The following EZH2 variants were observed in gnomAD, a reference collection of about 807,000 sequenced individuals.
EZH2 encodes the protein histone-lysine N-methyltransferase EZH2.
Under a neutral mutation model 98.4 loss-of-function variants are expected in EZH2, and 18 were observed. The ratio of observed to expected loss-of-function variants is 0.18; its 90% CI spans 0.13 to 0.27. The LOEUF (loss-of-function observed/expected upper bound fraction) is 0.27. Ranked by LOEUF, EZH2 falls within the 10% of genes least tolerant of loss-of-function variation. The probability of loss-of-function intolerance (pLI) is 1.00; values close to 1 mark genes in which losing one functional copy is unlikely to be tolerated. For synonymous variants in EZH2, 338 were observed against 312.3 expected, an observed-to-expected ratio of 1.08 and a Z score of -0.87; for missense variants, 470 against 935.1, an observed-to-expected ratio of 0.50 and a Z score of 6.49.
chr7:148,878,728 G>A (rs140190835), intron 1 of EZH2, among the ~76,000 whole-genome samples: 2,119 of 151,382 alleles, frequency 0.014, 28 homozygotes, highest in Middle Eastern at 0.052. Flanking sequence ...GCAAAACCCT[G>A]TCTCTACAAA....
At chr7:148,857,673 C>T in intron 1 of EZH2, among the ~76,000 whole-genome samples, 1 of 152,068 alleles carries the variant, frequency 6.6e-6, no homozygotes. Context: ...ATTGCTTGAA[C>T]CCAGGAGGTG....
chr7:148,836,769 A>T, intron 3 of EZH2: 1 of 464,162 alleles, frequency 2.2e-6, no homozygotes, highest in South Asian at 1.6e-5. Flanking sequence ...ATTTTCAGAG[A>T]AACACAGCTT....
intron 11 of EZH2, 54 bp downstream of exon 11, chr7:148,817,168 G>C (rs957399571): frequency 1.3e-6 from 2 of 1,534,672 alleles, no homozygotes; most frequent in Non-Finnish European, 1.8e-6. Context: ...AACGAGTACA[G>C]TTTTATCTCT....
chr7:148,818,467 G>C (rs1805169561), intron 9 of EZH2, among the ~76,000 whole-genome samples: 1 of 152,112 alleles, frequency 6.6e-6, no homozygotes, highest in Non-Finnish European at 1.5e-5. Context: ...TTATCTCTAT[G>C]GACATACAGT....
At chr7:148,857,534 G>A (rs370064326) in intron 1 of EZH2, among the ~76,000 whole-genome samples, 86 of 152,134 alleles carry the variant, frequency 5.7e-4, no homozygotes, top group African/African-American at 2.0e-3. Context: ...GGCGGATCAC[G>A]TAAGTCAGGA....
At chr7:148,845,608 T>C (rs893222485) in intron 3 of EZH2, among the ~76,000 whole-genome samples, 1 of 152,230 alleles carries the variant, frequency 6.6e-6, no homozygotes, top group Non-Finnish European at 1.5e-5. Context: ...AGCAAATTGT[T>C]GCTTGTTACA....
At chr7:148,810,060 G>A in intron 17 of EZH2, 1 of 335,848 alleles carries the variant, frequency 3.0e-6, no homozygotes, top group Non-Finnish European at 5.7e-6. Flanking sequence ...TGAGCAGCAA[G>A]AGCACAACGT....
intron 18 of EZH2, 40 bp from the exon 19 acceptor site, chr7:148,809,195 G>A (rs931593684): frequency 6.3e-7 from 1 of 1,596,290 alleles, no homozygotes; most frequent in African/African-American, 1.3e-5. Flanking sequence ...CATGAAGACG[G>A]GCCACGGGGG....
chr7:148,817,868 G>A lies in EZH2; in HGVS notation c.1240+9C>T, dbSNP rs114320893. Reference sequence around the variant, plus strand: ...GAACAGTAAAACCCAGTTATTAGACGTGTCTTACCAGAGGAGCTCGAAGTT... The same window carrying A: ...GAACAGTAAAACCCAGTTATTAGACATGTCTTACCAGAGGAGCTCGAAGTT... On this transcript the variant is annotated intron_variant, in intron 10 of 19. Coordinates refer to ENST00000320356, the MANE Select transcript of EZH2 (RefSeq NM_004456.5). The A allele has an allele frequency of 1.4e-5, 22 of 1,613,998 alleles. No homozygotes were observed. Among genetic ancestry groups the A allele is most frequent in the Admixed American group, 1.0e-4 (6 of 59,996 alleles).
chr7:148,838,215 C>T (rs991452454), intron 3 of EZH2, among the ~76,000 whole-genome samples: 19 of 151,918 alleles, frequency 1.3e-4, no homozygotes, highest in South Asian at 4.2e-4. Context: ...ACTACAAGTA[C>T]GTGTCACCAC....
chr7:148,866,602 A>G (rs1001142850), intron 1 of EZH2, among the ~76,000 whole-genome samples: 1 of 147,106 alleles, frequency 6.8e-6, no homozygotes, highest in African/African-American at 2.5e-5. Flanking sequence ...TACACTATAT[A>G]TTATATATAA....
chr7:148,823,946 A>G (rs1806919546), intron 8 of EZH2, among the ~76,000 whole-genome samples: 1 of 152,194 alleles, frequency 6.6e-6, no homozygotes, highest in African/African-American at 2.4e-5. Context: ...TAATCCTCAC[A>G]ACAGCTCTGT....
intron 8 of EZH2, among the ~76,000 whole-genome samples, chr7:148,822,190 C>A (rs996795111): frequency 1.3e-5 from 2 of 152,164 alleles, no homozygotes; most frequent in Non-Finnish European, 2.9e-5. Flanking sequence ...GGAAAGCTAA[C>A]TGATAAATTC....
intron 3 of EZH2, among the ~76,000 whole-genome samples, chr7:148,837,452 A>G (rs1446526404): frequency 6.6e-6 from 1 of 152,194 alleles, no homozygotes; most frequent in South Asian, 2.1e-4. Flanking sequence ...TTCTGAAACT[A>G]CCCTATATTC....
intron 8 of EZH2, 44 bp downstream of exon 8, chr7:148,826,410 T>C: frequency 6.8e-7 from 1 of 1,469,322 alleles, no homozygotes. Flanking sequence ...TCCAAGCTGC[T>C]TTAAAACATA....
chr7:148,814,286 G>A (rs754435030), intron 14 of EZH2, 149 bp from the exon 15 acceptor site: 1 of 669,872 alleles, frequency 1.5e-6, no homozygotes, highest in Non-Finnish European at 2.5e-6. Flanking sequence ...GGAAATGGAA[G>A]TATTAACAGC....
chr7:148,850,874 A>G (rs1815574076), intron 1 of EZH2, among the ~76,000 whole-genome samples: 1 of 152,214 alleles, frequency 6.6e-6, no homozygotes, highest in Non-Finnish European at 1.5e-5. Flanking sequence ...AAGGCACAGT[A>G]AGAGACTGAC....
chr7:148,870,564 G>A (rs1356707771), intron 1 of EZH2, among the ~76,000 whole-genome samples: 1 of 151,968 alleles, frequency 6.6e-6, no homozygotes, highest in Non-Finnish European at 1.5e-5. Context: ...TTAGCTAGGG[G>A]TGGTGGTGCA....
intron 3 of EZH2, among the ~76,000 whole-genome samples, chr7:148,835,156 A>C (rs1810539462): frequency 6.6e-6 from 1 of 152,242 alleles, no homozygotes; most frequent in African/African-American, 2.4e-5. Flanking sequence ...ACAGTGGCTC[A>C]AGCGTATAAT....
Sources: gnomAD v4.1 joint callset for allele counts (sites outside exome capture counted in the v4.1 genomes callset) on GRCh38, gnomAD v4.1.1 for gene constraint, MANE v1.5 for transcripts, NCBI Gene and HGNC (gene_info 2026-07-23, HGNC 2026-07-21) for gene names.